The following NALF1 variants were observed in gnomAD, a reference collection of about 807,000 sequenced individuals.
NALF1 encodes family with sequence similarity 155 member A.
In NALF1, 3 loss-of-function variants were observed where a neutral mutation model predicts 48.4. The observed-to-expected ratio is 0.06, with a 90% CI of 0.03 to 0.16. The LOEUF is 0.16. Ranked by LOEUF, NALF1 falls within the 10% of genes least tolerant of loss-of-function variation. NALF1 has a pLI of 1.00. For missense variants in NALF1, 526 were observed against 571.5 expected, an observed-to-expected ratio of 0.92 and a Z score of 0.81; for synonymous variants, 262 against 245.7, an observed-to-expected ratio of 1.07 and a Z score of -0.62.
At chr13:107,386,285 C>T (rs772996971) in intron 1 of NALF1, among the ~76,000 whole-genome samples, 5 of 152,192 alleles carry the variant, frequency 3.3e-5, no homozygotes, top group African/African-American at 2.4e-5. Context: ...TGTCTAAAGG[C>T]AACCCCACCC....
chr13:107,253,996 G>A (rs986902026), intron 1 of NALF1, among the ~76,000 whole-genome samples: 4 of 151,368 alleles, frequency 2.6e-5, no homozygotes, highest in East Asian at 1.9e-4. Flanking sequence ...CACTTTGGTC[G>A]CCATGACACC....
In NALF1 at chr13:107,864,982, G is replaced by A. The variant is rs185222836; in HGVS notation, c.915+700C>T. Among the ~76,000 whole-genome samples, 122 of 152,252 alleles carry A rather than the reference G, an allele frequency of 8.0e-4. 1 individual carries two copies. The South Asian group carries it at 0.02, about 25-fold the overall frequency. Reference sequence around the variant, plus strand: ...CTGAAAATCAAGCTAATTACATAGTGTGTCTGATAAATAGCCTATTGCTAG... The same window carrying A: ...CTGAAAATCAAGCTAATTACATAGTATGTCTGATAAATAGCCTATTGCTAG... On this transcript the variant is annotated intron_variant, in intron 1 of 2. Transcript: ENST00000375915.
chr13:107,178,959 A>C (rs9558962), intron 2 of NALF1, among the ~76,000 whole-genome samples: 35,465 of 151,010 alleles, frequency 0.23, 4,567 homozygotes, highest in African/African-American at 0.36. Flanking sequence ...AACAAACAAA[A>C]AAAAAAAACA....
intron 1 of NALF1, among the ~76,000 whole-genome samples, chr13:107,758,849 A>T (rs1877189472): frequency 6.6e-6 from 1 of 152,244 alleles, no homozygotes; most frequent in Admixed American, 6.5e-5. Flanking sequence ...GAATTGTTTT[A>T]TTCAGAATCT....
chr13:107,604,082 T>A (rs1251646296), intron 1 of NALF1, among the ~76,000 whole-genome samples: 1 of 152,214 alleles, frequency 6.6e-6, no homozygotes, highest in Non-Finnish European at 1.5e-5. Flanking sequence ...AAAATATGTC[T>A]AAGCCATCAA....
intron 1 of NALF1, among the ~76,000 whole-genome samples, chr13:107,628,661 C>T (rs980619911): frequency 6.6e-6 from 1 of 152,130 alleles, no homozygotes. Context: ...CCAAATCTTA[C>T]TAAAAACAAA....
intron 1 of NALF1, among the ~76,000 whole-genome samples, chr13:107,231,825 T>C (rs2138825614): frequency 6.6e-6 from 1 of 152,368 alleles, no homozygotes; most frequent in East Asian, 1.9e-4. Flanking sequence ...AGTTGCCCTT[T>C]AGAAACCTTT....
chr13:107,757,475 G>C (rs376140050), intron 1 of NALF1, among the ~76,000 whole-genome samples: 36 of 146,578 alleles, frequency 2.5e-4, no homozygotes, highest in African/African-American at 9.1e-4. Flanking sequence ...GAATGATAAG[G>C]GGCTAGAAAT....
chr13:107,668,015 G>C (rs9520544), intron 1 of NALF1, among the ~76,000 whole-genome samples: 82,398 of 151,848 alleles, frequency 0.54, 23,514 homozygotes, highest in Middle Eastern at 0.71. Context: ...TGTCCATGTG[G>C]AAATTTATAT....
intron 1 of NALF1, among the ~76,000 whole-genome samples, chr13:107,468,534 C>T (rs1885045711): frequency 6.6e-6 from 1 of 152,128 alleles, no homozygotes; most frequent in Non-Finnish European, 1.5e-5. Context: ...TAAAACTAGC[C>T]ATTGTAAAAA....
intron 1 of NALF1, among the ~76,000 whole-genome samples, chr13:107,628,913 TC>T (rs1879757790): frequency 1.3e-5 from 2 of 152,242 alleles, no homozygotes; most frequent in African/African-American, 4.8e-5. Flanking sequence ...ACCTACCTGC[TC>T]CCCCATTAAA....
chr13:107,611,175 G>A (rs1879215709), intron 1 of NALF1, among the ~76,000 whole-genome samples: 1 of 152,152 alleles, frequency 6.6e-6, no homozygotes. Flanking sequence ...ATGTCAGTCT[G>A]TCTCAGCTGT....
intron 1 of NALF1, among the ~76,000 whole-genome samples, chr13:107,626,200 A>G (rs1879670371): frequency 6.6e-6 from 1 of 152,008 alleles, no homozygotes; most frequent in African/African-American, 2.4e-5. Context: ...ACACTCTATA[A>G]AAGTTATATG....
chr13:107,292,992 C>CTTTTTCTTTTTTT (rs745529749), intron 1 of NALF1, among the ~76,000 whole-genome samples: 9 of 110,672 alleles, frequency 8.1e-5, no homozygotes, highest in Non-Finnish European at 1.3e-4. Context: ...TTTTCTTTTT[C>CTTTTTCTTTTTTT]TTTTTTTTTT....
intron 1 of NALF1, among the ~76,000 whole-genome samples, chr13:107,422,489 T>C (rs1311346280): frequency 4.6e-5 from 7 of 152,046 alleles, no homozygotes; most frequent in African/African-American, 1.7e-4. Flanking sequence ...ATCATCATCA[T>C]CATCATCATC....
intron 1 of NALF1, among the ~76,000 whole-genome samples, chr13:107,385,640 T>C (rs1337002723): frequency 6.6e-6 from 1 of 151,942 alleles, no homozygotes; most frequent in Non-Finnish European, 1.5e-5. Context: ...TTTAAGTTCT[T>C]AGAAATTAAT....
At chr13:107,521,265 G>A (rs1298516889) in intron 1 of NALF1, among the ~76,000 whole-genome samples, 1 of 152,098 alleles carries the variant, frequency 6.6e-6, no homozygotes, top group Non-Finnish European at 1.5e-5. Flanking sequence ...AATTCATCCA[G>A]AGAAAATCTG....
Position 107,649,867 on chromosome 13 carries a change from A to G in NALF1, c.915+215815T>C, listed in dbSNP as rs9301249. Among the ~76,000 whole-genome samples, 2,907 of 152,276 alleles carry G rather than the reference A, an allele frequency of 0.019. 166 individuals carry two copies. The East Asian group carries it at 0.2, about 11-fold the overall frequency. On this transcript the variant is annotated intron_variant, in intron 1 of 2. Coordinates refer to ENST00000375915, the MANE Select transcript of NALF1 (RefSeq NM_001080396.3). ...CCAAAAAAGGTGACCCTAACTAAGCATCGTGATTCAAATACAGGTTAGGCC... is the reference window on the plus strand; with the variant it reads ...CCAAAAAAGGTGACCCTAACTAAGCGTCGTGATTCAAATACAGGTTAGGCC...
rs757878621 is a variant in NALF1, at chr13:107,520,713, T to C, written c.916-309958A>G. 2.6e-5 allele frequency among the ~76,000 whole-genome samples: 4 copies of C among 152,342 alleles called. No individual in the cohort carries two copies. The Middle Eastern group carries it at 0.014, about 518-fold the overall frequency. Reference sequence around the variant, plus strand: ...TCACTGGTGGACGAACTCTTCCCTGTGTACGACTGCCTGCCCGTGCATCAT... The same window carrying C: ...TCACTGGTGGACGAACTCTTCCCTGCGTACGACTGCCTGCCCGTGCATCAT... On this transcript the variant is annotated intron_variant, in intron 1 of 2. Transcript: ENST00000375915.
Sources: allele counts gnomAD v4.1 joint callset (sites outside exome capture counted in the v4.1 genomes callset), GRCh38; gene constraint gnomAD v4.1.1; transcripts MANE v1.5; gene names NCBI Gene and HGNC (gene_info 2026-07-23, HGNC 2026-07-21).